Variants in MORN3 observed in about 807,000 individuals in gnomAD.
MORN3 encodes MORN repeat containing 3.
A neutral mutation model predicts 34.7 loss-of-function variants in MORN3; 38 were observed. That is an observed-to-expected ratio of 1.10 (90% CI 0.85 to 1.44). The LOEUF (loss-of-function observed/expected upper bound fraction) is 1.44, where lower values mean the gene tolerates loss of function less well. MORN3 is among the 40% of genes most tolerant of loss of function. MORN3 has a pLI of 0.00. For missense variants in MORN3, 311 were observed against 321.7 expected (o/e 0.97, Z 0.25); for synonymous variants, 109 against 115.3 (o/e 0.95, Z 0.35).
At chr12:121,670,575 G>A (rs1330391319), upstream of MORN3, among the ~76,000 whole-genome samples, 5 of 152,094 alleles carry the variant, frequency 3.3e-5, 1 homozygote, top group African/African-American at 1.2e-4. Context: ...TTGGGAGGCC[G>A]AGGCGGGTGG....
At chr12:121,666,210 C>T (rs1040539235) in intron 1 of MORN3, among the ~76,000 whole-genome samples, 9 of 151,760 alleles carry the variant, frequency 5.9e-5, no homozygotes, top group Admixed American at 1.3e-4. Flanking sequence ...TTGTGGAGAA[C>T]GGGGTCTCGC....
At chr12:121,666,708 G>A (rs142790665) in intron 1 of MORN3, among the ~76,000 whole-genome samples, 39 of 152,106 alleles carry the variant, frequency 2.6e-4, no homozygotes, top group African/African-American at 8.0e-4. Context: ...TTGCTTTTAT[G>A]GGGTGCTTCG....
At chr12:121,670,927 A>G (rs1387070133), upstream of MORN3, among the ~76,000 whole-genome samples, 3 of 150,450 alleles carry the variant, frequency 2.0e-5, no homozygotes, top group African/African-American at 7.4e-5. Flanking sequence ...CCTGGCCAAC[A>G]TGGCGAAACC....
upstream of MORN3, among the ~76,000 whole-genome samples, chr12:121,671,979 C>G (rs1566489758): frequency 6.6e-6 from 1 of 152,118 alleles, no homozygotes; most frequent in Non-Finnish European, 1.5e-5. Context: ...GCAAGAGAAC[C>G]CAGACTCTAA....
In MORN3 at chr12:121,669,322, C is replaced by T. The variant is rs1893874641; in HGVS notation, c.145+17G>A. Reference sequence around the variant, plus strand: ...CTCTGACCCCACTCCGGCCGCCCGTCCCGGAGTCCCACTCACCGTGTTTCA... The same window carrying T: ...CTCTGACCCCACTCCGGCCGCCCGTTCCGGAGTCCCACTCACCGTGTTTCA... On this transcript the variant is annotated intron_variant, in intron 1 of 5. Coordinates refer to ENST00000355329, the MANE Select transcript of MORN3 (RefSeq NM_173855.5). 2 of 1,612,160 alleles carry T rather than the reference C, an allele frequency of 1.2e-6. No homozygotes were observed. Among genetic ancestry groups the T allele is most frequent in the Admixed American group, 1.7e-5 (1 of 59,962 alleles).
chr12:121,654,387 T>C lies in MORN3; in HGVS notation c.350A>G (p.Asp117Gly). 1.2e-6 allele frequency: 2 copies of C among 1,601,434 alleles called. No homozygotes were observed. Among genetic ancestry groups the C allele is most frequent in the Non-Finnish European group, 1.7e-6 (2 of 1,174,394 alleles). ...CCCGCTGCGCTGGCTGCCACACCAGTCACCCTCATAATACTCCTTGGGTCC... is the reference window on the plus strand; with the variant it reads ...CCCGCTGCGCTGGCTGCCACACCAGCCACCCTCATAATACTCCTTGGGTCC... ...FFGPKEYYEG[D>G]WCGSQRSGWG... The change falls in exon 3 of 6, where the codon GAC (aspartate) becomes GGC (glycine). Residue 117 changes from aspartate (D) to glycine (G), a missense_variant. By Grantham distance (94) the Asp-to-Gly change is moderately conservative. Coordinates refer to ENST00000355329, the MANE Select transcript of MORN3 (RefSeq NM_173855.5).
Position 121,653,124 on chromosome 12 carries a change from T to C in MORN3, c.599A>G (p.Asp200Gly). ...DNMAKCGTMIDFGRDEAPEPT... is the reference protein window; with the variant it reads ...DNMAKCGTMIGFGRDEAPEPT... The stretch of plus-strand genomic sequence containing the variant: ...CTCAGGGGCCTCGTCACGGCCAAAG[T>C]CGATCATCGTCCCGCATTTGGCCAT... The change falls in exon 4 of 6, where the codon GAC becomes GGC. Residue 200 changes from aspartate to glycine, a missense_variant. Physicochemically the swap from Asp to Gly is moderately conservative, Grantham distance 94 (BLOSUM62 -1). Transcript: ENST00000355329. 1 of 1,614,022 alleles carries C rather than the reference T, an allele frequency of 6.2e-7. No homozygotes were observed. Among genetic ancestry groups the C allele is most frequent in the Non-Finnish European group, 8.5e-7 (1 of 1,179,998 alleles).
chr12:121,662,139 G>A (rs1229022268), intron 1 of MORN3, among the ~76,000 whole-genome samples: 1 of 151,998 alleles, frequency 6.6e-6, no homozygotes, highest in African/African-American at 2.4e-5. Flanking sequence ...TTCTGTCAAA[G>A]GGTGCATACT....
At chr12:121,655,926 G>C (rs782274927) in intron 2 of MORN3, among the ~76,000 whole-genome samples, 2 of 151,992 alleles carry the variant, frequency 1.3e-5, no homozygotes, top group African/African-American at 4.8e-5. Context: ...AGCTACTCGG[G>C]AGGCTGAGGC....
chr12:121,659,969 C>T (rs1187311897), intron 1 of MORN3, among the ~76,000 whole-genome samples: 2 of 151,826 alleles, frequency 1.3e-5, no homozygotes, highest in East Asian at 3.9e-4. Flanking sequence ...TGCAGTGGCT[C>T]GAGCCTGTAA....
chr12:121,659,520 C>G (rs1298750658), intron 1 of MORN3, among the ~76,000 whole-genome samples, 172 bp from the exon 2 acceptor site: 1 of 149,240 alleles, frequency 6.7e-6, no homozygotes, highest in Non-Finnish European at 1.5e-5. Flanking sequence ...AGTTCCATTT[C>G]TTTCTTTCTT....
chr12:121,660,351 CTTTCT>C lies in MORN3; in HGVS notation c.146-1008_146-1004del, dbSNP rs1354610897. 6.8e-4 allele frequency among the ~76,000 whole-genome samples: 87 copies of C among 127,682 alleles called. 1 individual carries two copies. The East Asian group carries it at 0.014, about 21-fold the overall frequency. The allele number at this position is 127,682 out of a possible 152,430, so 83.8% of individuals were successfully genotyped here. The stretch of plus-strand genomic sequence containing the variant: ...GTTTTCTCTTTTTTTTTCTTTCTTT[CTTTCT>C]TTTTTTTTTTTTTGAGACAGAGTCT... On this transcript the variant is annotated intron_variant, in intron 1 of 5. Transcript: ENST00000355329.
Position 121,653,269 on chromosome 12 carries a change from A to G in MORN3, c.464-10T>C, listed in dbSNP as rs1594219728. 1.2e-6 allele frequency: 2 copies of G among 1,612,504 alleles called. No homozygotes were observed. The highest frequency in any genetic ancestry group is 1.7e-6 in the Non-Finnish European group (2 of 1,179,324). On this transcript the variant is annotated splice_polypyrimidine_tract_variant and intron_variant, in intron 3 of 5. Transcript: ENST00000355329. Reference sequence around the variant, plus strand: ...TAGCGGTTCCCGTTCTCTGGGGGAAAGGACAGGGAGGTGTGGTGCAGGGTA... The same window carrying G: ...TAGCGGTTCCCGTTCTCTGGGGGAAGGGACAGGGAGGTGTGGTGCAGGGTA...
chr12:121,662,104 G>A (rs906702504), intron 1 of MORN3, among the ~76,000 whole-genome samples: 1 of 152,038 alleles, frequency 6.6e-6, no homozygotes, highest in East Asian at 1.9e-4. Context: ...GCAGGGGCTG[G>A]TGGGGTGGGG....
intron 2 of MORN3, 24 bp downstream of exon 2, chr12:121,659,166 CA>C (rs766942410): frequency 8.8e-5 from 142 of 1,606,458 alleles, no homozygotes; most frequent in South Asian, 6.1e-4. Flanking sequence ...CACACACACA[CA>C]CCCCGGCTGG....
chr12:121,662,492 G>C (rs1473446113), intron 1 of MORN3, among the ~76,000 whole-genome samples: 1 of 151,886 alleles, frequency 6.6e-6, no homozygotes, highest in Admixed American at 6.6e-5. Flanking sequence ...GCGGTGGCTC[G>C]TGTCTGTAAT....
Position 121,669,651 on chromosome 12 carries a change from G to C in MORN3, c.-168C>G, listed in dbSNP as rs1893888604. The C allele has an allele frequency of 4.3e-6, 4 of 940,282 alleles. No homozygotes were observed. The highest frequency in any genetic ancestry group is 1.7e-5 in the African/African-American group (1 of 60,388). The allele number at this position is 940,282 out of a possible 1,614,324, so 58.2% of individuals were successfully genotyped here. A position where few individuals can be genotyped will look rare whatever the true frequency, so the allele number is the denominator to read the frequency against. ...CCTTAGTGGGGATCCTTTAGTGCTGGACTGACCTTTGGTTGGCCCCTCCCT... is the reference window on the plus strand; with the variant it reads ...CCTTAGTGGGGATCCTTTAGTGCTGCACTGACCTTTGGTTGGCCCCTCCCT... On this transcript the variant is annotated 5_prime_UTR_variant, in exon 1 of 6. Coordinates refer to ENST00000355329, the MANE Select transcript of MORN3 (RefSeq NM_173855.5).
intron 1 of MORN3, among the ~76,000 whole-genome samples, chr12:121,659,861 C>T (rs1365255187): frequency 1.3e-5 from 2 of 151,444 alleles, no homozygotes; most frequent in Admixed American, 6.6e-5. Flanking sequence ...TGATTAGTGT[C>T]GCATGCCTGT....
At chr12:121,658,839 C>A (rs1893490846) in intron 2 of MORN3, among the ~76,000 whole-genome samples, 1 of 151,960 alleles carries the variant, frequency 6.6e-6, no homozygotes, top group South Asian at 2.1e-4. Context: ...TCAGGCCCAG[C>A]AGAAAGGGGA....
Sources: gnomAD v4.1 joint callset for allele counts (sites outside exome capture counted in the v4.1 genomes callset) on GRCh38, gnomAD v4.1.1 for gene constraint, MANE v1.5 for transcripts, NCBI Gene and HGNC (gene_info 2026-07-23, HGNC 2026-07-21) for gene names.